EPHA6: variants seen among roughly 807,000 people sequenced by gnomAD.
EPHA6 encodes EPH receptor A6.
Under a neutral mutation model 112.0 loss-of-function variants are expected in EPHA6, and 50 were observed. That is an observed-to-expected ratio of 0.45 (90% CI 0.36 to 0.56). The LOEUF (loss-of-function observed/expected upper bound fraction) is 0.56, where lower values mean the gene tolerates loss of function less well. EPHA6 is among the 20% of genes least tolerant of loss of function. The probability of loss-of-function intolerance (pLI) is 0.00; values close to 1 mark genes in which losing one functional copy is unlikely to be tolerated. For synonymous variants in EPHA6, 529 were observed against 490.7 expected (o/e 1.08, Z -1.03); for missense variants, 1,280 against 1,417.4 (o/e 0.90, Z 1.56).
At chr3:96,963,975 TTTTTAAAATTAAAAATACACA>T (rs1160965392) in intron 2 of EPHA6, among the ~76,000 whole-genome samples, 2 of 152,122 alleles carry the variant, frequency 1.3e-5, no homozygotes, top group African/African-American at 4.8e-5. Flanking sequence ...TCCAGTAGTC[TTTTTAAAATTAAAAATACACA>T]TTTTAAAATT....
chr3:96,914,986 A>G (rs1308618052), intron 2 of EPHA6, among the ~76,000 whole-genome samples: 1 of 151,814 alleles, frequency 6.6e-6, no homozygotes, highest in South Asian at 2.1e-4. Context: ...ATCTTTTGTC[A>G]GTAGTAATTA....
intron 1 of EPHA6, among the ~76,000 whole-genome samples, chr3:96,829,944 C>CGT (rs1371854597): frequency 1.0e-4 from 11 of 106,644 alleles, no homozygotes; most frequent in Admixed American, 2.5e-4. Flanking sequence ...CATGTGCGCG[C>CGT]GCGCGCACAC....
chr3:97,534,545 ATAAC>A (rs2092737273), intron 11 of EPHA6, among the ~76,000 whole-genome samples: 1 of 151,710 alleles, frequency 6.6e-6, no homozygotes, highest in Non-Finnish European at 1.5e-5. Flanking sequence ...CATTAAATAA[ATAAC>A]AATCTGAATT....
chr3:96,904,946 A>G (rs2038848453), intron 2 of EPHA6, among the ~76,000 whole-genome samples: 1 of 152,160 alleles, frequency 6.6e-6, no homozygotes, highest in South Asian at 2.1e-4. Flanking sequence ...ACCCTTGTTT[A>G]TGCTGATACC....
In EPHA6 at chr3:97,264,329, C is replaced by T. The variant is rs191207886; in HGVS notation, c.1606+20042C>T. The stretch of plus-strand genomic sequence containing the variant: ...GTGTGAGCATGGGGTCCGGCCATTG[C>T]GCACAGTTGGACATGCCAGCTGCTT... On this transcript the variant is annotated intron_variant, in intron 5 of 17. Transcript: ENST00000389672. 3.8e-3 allele frequency among the ~76,000 whole-genome samples: 574 copies of T among 152,354 alleles called. 3 individuals carry two copies. The highest frequency in any genetic ancestry group is 0.012 in the African/African-American group (513 of 41,582).
intron 15 of EPHA6, among the ~76,000 whole-genome samples, chr3:97,731,423 A>G (rs547604746): frequency 1.8e-4 from 27 of 152,216 alleles, no homozygotes; most frequent in African/African-American, 6.3e-4. Context: ...CCATAAGCAG[A>G]TAGGTGACAG....
At chr3:97,568,794 C>A (rs1365432653) in intron 11 of EPHA6, among the ~76,000 whole-genome samples, 1 of 152,134 alleles carries the variant, frequency 6.6e-6, no homozygotes, top group Non-Finnish European at 1.5e-5. Flanking sequence ...GGTATAGGGA[C>A]CAGTTCCACA....
intron 2 of EPHA6, among the ~76,000 whole-genome samples, chr3:96,950,324 A>C (rs2041471177): frequency 6.6e-6 from 1 of 152,012 alleles, no homozygotes; most frequent in Non-Finnish European, 1.5e-5. Flanking sequence ...CCATGCCCTC[A>C]CCTATAAAGT....
At chr3:96,990,724 TTA>T (rs2043184257) in intron 3 of EPHA6, among the ~76,000 whole-genome samples, 1 of 152,244 alleles carries the variant, frequency 6.6e-6, no homozygotes, top group Non-Finnish European at 1.5e-5. Flanking sequence ...GTACTTACTT[TTA>T]TGTGTGTTCT....
intron 14 of EPHA6, among the ~76,000 whole-genome samples, chr3:97,692,384 G>T (rs1353168724): frequency 6.6e-6 from 1 of 152,062 alleles, no homozygotes; most frequent in Non-Finnish European, 1.5e-5. Flanking sequence ...ATCAGTCTTT[G>T]ATCAGAATTT....
intron 1 of EPHA6, among the ~76,000 whole-genome samples, chr3:96,853,511 G>A (rs1373346701): frequency 6.6e-6 from 1 of 151,756 alleles, no homozygotes; most frequent in Non-Finnish European, 1.5e-5. Flanking sequence ...CATCTGATTT[G>A]TTTTATTCTG....
At chr3:97,147,530 G>A (rs570793144) in intron 3 of EPHA6, among the ~76,000 whole-genome samples, 69 of 151,998 alleles carry the variant, frequency 4.5e-4, no homozygotes, top group Admixed American at 1.1e-3. Context: ...TTATAAAGGT[G>A]TTTAACTAGT....
intron 11 of EPHA6, among the ~76,000 whole-genome samples, chr3:97,557,813 G>A (rs2093134071): frequency 6.6e-6 from 1 of 151,720 alleles, no homozygotes; most frequent in South Asian, 2.1e-4. Context: ...GTTTTAAAAT[G>A]AGCATTGAGT....
intron 16 of EPHA6, among the ~76,000 whole-genome samples, chr3:97,742,938 T>A (rs1379388221): frequency 6.6e-6 from 1 of 152,098 alleles, no homozygotes; most frequent in African/African-American, 2.4e-5. Flanking sequence ...AGTCACGAGA[T>A]GAGGAACTCA....
chr3:97,309,306 A>C (rs1156349397), intron 5 of EPHA6, among the ~76,000 whole-genome samples: 1 of 151,694 alleles, frequency 6.6e-6, no homozygotes, highest in Non-Finnish European at 1.5e-5. Context: ...TTTACTGTTT[A>C]CTTGTCCATT....
intron 14 of EPHA6, among the ~76,000 whole-genome samples, chr3:97,715,425 T>C (rs1221826835): frequency 2.6e-5 from 4 of 152,214 alleles, no homozygotes; most frequent in Non-Finnish European, 4.4e-5. Context: ...TAAGGATTTT[T>C]TAAATTATGC....
chr3:97,423,072 C>T (rs1577343921), intron 6 of EPHA6, among the ~76,000 whole-genome samples: 3 of 152,258 alleles, frequency 2.0e-5, no homozygotes, highest in Middle Eastern at 6.8e-3. Flanking sequence ...AAGCTGGAAG[C>T]CTTTCCCTTG....
intron 3 of EPHA6, among the ~76,000 whole-genome samples, chr3:97,107,748 A>T (rs2047610677): frequency 6.6e-6 from 1 of 152,092 alleles, no homozygotes; most frequent in Admixed American, 6.6e-5. Context: ...TGTATTAGGG[A>T]GGCTGAATTT....
At chr3:97,431,343 T>A (rs754562920) in intron 6 of EPHA6, among the ~76,000 whole-genome samples, 1 of 152,150 alleles carries the variant, frequency 6.6e-6, no homozygotes, top group Non-Finnish European at 1.5e-5. Flanking sequence ...AAAAATATCA[T>A]AAGTCTATAA....
Sources: allele counts gnomAD v4.1 joint callset (sites outside exome capture counted in the v4.1 genomes callset), GRCh38; gene constraint gnomAD v4.1.1; transcripts MANE v1.5; gene names NCBI Gene and HGNC (gene_info 2026-07-23, HGNC 2026-07-21).